The following SUGT1 variants were observed in gnomAD, a reference collection of about 807,000 sequenced individuals.
The protein encoded by SUGT1 is protein SGT1 homolog.
A neutral mutation model predicts 56.1 loss-of-function variants in SUGT1; 15 were observed. The observed-to-expected ratio is 0.27, with a 90% CI of 0.18 to 0.41. The LOEUF is 0.41. Ranked by LOEUF, SUGT1 falls within the 10% of genes least tolerant of loss-of-function variation. The pLI is 1.00. For missense variants in SUGT1, 347 were observed against 382.2 expected, an observed-to-expected ratio of 0.91 and a Z score of 0.77; for synonymous variants, 123 against 128.6, an observed-to-expected ratio of 0.96 and a Z score of 0.30.
chr13:52,660,814 C>CT (rs1345365576), intron 5 of SUGT1, among the ~76,000 whole-genome samples: 8 of 152,096 alleles, frequency 5.3e-5, no homozygotes, highest in Non-Finnish European at 1.0e-4. Context: ...ATTTTTCTTT[C>CT]TTTTTTTAGC....
Position 52,693,237 on chromosome 13 carries a change from A to G in SUGT1, c.*5402A>G, listed in dbSNP as rs1034825106. 1 of 151,642 alleles carries G rather than the reference A, an allele frequency of 6.6e-6. No homozygotes were observed. Among genetic ancestry groups the G allele is most frequent in the Non-Finnish European group, 1.5e-5 (1 of 67,908 alleles). 9.4% of individuals were successfully genotyped at this position (151,642 alleles called of 1,614,324 possible). ...GACTTCTACCTATATCATTGACTTT[A>G]TTTTTTCCTATGATTAAAGGATTCA... On this transcript the variant is annotated 3_prime_UTR_variant, in exon 13 of 13. Coordinates refer to ENST00000310528, the MANE Select transcript of SUGT1 (RefSeq NM_006704.5).
chr13:52,668,933 C>T (rs1951669980), intron 10 of SUGT1, among the ~76,000 whole-genome samples: 1 of 152,010 alleles, frequency 6.6e-6, no homozygotes, highest in African/African-American at 2.4e-5. Context: ...TACTGAGCCA[C>T]CTCCTATAGT....
rs1399442074 is a variant in SUGT1 at position 52,693,590 on chromosome 13, TCA to T, written c.*5756_*5757del. On this transcript the variant is annotated 3_prime_UTR_variant, in exon 13 of 13. Coordinates refer to ENST00000310528, the MANE Select transcript of SUGT1 (RefSeq NM_006704.5). ...TATAGGTGCTTAATGTCTCTGTGCC[TCA>T]GTTTTTGTGTCTATGTAAAGGAGAT... is the stretch of plus-strand genomic sequence containing the variant. 1.3e-5 allele frequency: 2 copies of T among 152,198 alleles called. No individual in the cohort carries two copies. The highest frequency in any genetic ancestry group is 2.9e-5 in the Non-Finnish European group (2 of 68,026). The allele number at this position is 152,198 out of a possible 1,614,324, so 9.4% of individuals were successfully genotyped here. A position where few individuals can be genotyped will look rare whatever the true frequency, so the allele number is the denominator to read the frequency against.
At chr13:52,672,320 C>CT (rs996653208) in intron 10 of SUGT1, among the ~76,000 whole-genome samples, 1 of 152,070 alleles carries the variant, frequency 6.6e-6, no homozygotes, top group Non-Finnish European at 1.5e-5. Flanking sequence ...TGATTAATTA[C>CT]TTTAAGAAGA....
chr13:52,662,837 C>A (rs1962527145), intron 6 of SUGT1, 135 bp downstream of exon 6: 8 of 917,276 alleles, frequency 8.7e-6, no homozygotes, highest in Non-Finnish European at 1.6e-6. Context: ...TGTGGACTTC[C>A]AAAGATACAC....
At chr13:52,658,291 G>T in intron 3 of SUGT1, 108 bp from the exon 4 acceptor site, 2 of 1,554,104 alleles carry the variant, frequency 1.3e-6, no homozygotes, top group Non-Finnish European at 1.7e-6. Flanking sequence ...AAACCATTTG[G>T]CATTTCTACC....
chr13:52,687,531 G>A (rs889520343), intron 12 of SUGT1: 5 of 307,734 alleles, frequency 1.6e-5, no homozygotes, highest in Middle Eastern at 1.8e-3. Context: ...GAATGCCTAA[G>A]TTTAAATAAA....
chr13:52,665,253 GT>G (rs1440874545), intron 8 of SUGT1, among the ~76,000 whole-genome samples: 3 of 152,088 alleles, frequency 2.0e-5, no homozygotes, highest in African/African-American at 4.8e-5. Context: ...GGATTTAAGT[GT>G]TTATCTGTAG....
At chr13:52,687,350 G>A (rs1963637503) in intron 12 of SUGT1, 1 of 151,650 alleles carries the variant, frequency 6.6e-6, no homozygotes, top group Non-Finnish European at 1.5e-5. Context: ...GGTCTTTACG[G>A]TCTTCAGCAA....
intron 12 of SUGT1, among the ~76,000 whole-genome samples, chr13:52,684,394 T>G (rs983626969): frequency 1.5e-5 from 2 of 129,850 alleles, no homozygotes; most frequent in African/African-American, 5.7e-5. Context: ...AATTAGCTCT[T>G]TGTTTCGTTT....
chr13:52,665,260 T>C (rs1337751028), intron 8 of SUGT1, among the ~76,000 whole-genome samples: 1 of 152,198 alleles, frequency 6.6e-6, no homozygotes, highest in Non-Finnish European at 1.5e-5. Context: ...AGTGTTTATC[T>C]GTAGTATTTG....
At chr13:52,673,948 T>C (rs1963041328) in intron 10 of SUGT1, among the ~76,000 whole-genome samples, 1 of 151,798 alleles carries the variant, frequency 6.6e-6, no homozygotes, top group Non-Finnish European at 1.5e-5. Context: ...TATTACTTTA[T>C]AAAAAATTAA....
rs993352665 is a variant in SUGT1, at chr13:52,696,348, T to C, written c.*8513T>C. 1.3e-5 allele frequency: 2 copies of C among 152,192 alleles called. No homozygotes were observed. Among genetic ancestry groups the C allele is most frequent in the African/African-American group, 4.8e-5 (2 of 41,444 alleles). The allele number at this position is 152,192 out of a possible 1,614,324, so 9.4% of individuals were successfully genotyped here. A position where few individuals can be genotyped will look rare whatever the true frequency, so the allele number is the denominator to read the frequency against. ...AAATGCATTGCCACTCTAGTTGTGA[T>C]GTGGGAGTGCCTTGTTTATGCCTCT... On this transcript the variant is annotated 3_prime_UTR_variant, in exon 13 of 13. Transcript: ENST00000310528.
intron 12 of SUGT1, 39 bp downstream of exon 12, chr13:52,680,194 A>G: frequency 6.6e-7 from 1 of 1,515,098 alleles, no homozygotes. Context: ...ATGGGAGCAA[A>G]TTTTACATAT....
At position 52,683,711 on chromosome 13, in the gene SUGT1, C is replaced by T. The variant is rs548855969; in HGVS notation, c.900+3556C>T. 5.9e-5 allele frequency among the ~76,000 whole-genome samples: 9 copies of T among 152,114 alleles called. No homozygotes were observed. In the East Asian group the frequency reaches 1.4e-3, roughly 23 times the overall value. On this transcript the variant is annotated intron_variant, in intron 12 of 12. Coordinates refer to ENST00000310528, the MANE Select transcript of SUGT1 (RefSeq NM_006704.5). ...GAACTCACCAGTGAAACGGTCTGGG[C>T]CTGGAGATTTCTTTATTAGGAGATT...
intron 9 of SUGT1, among the ~76,000 whole-genome samples, chr13:52,666,205 C>T (rs553227464): frequency 2.6e-5 from 4 of 152,304 alleles, no homozygotes; most frequent in Non-Finnish European, 5.9e-5. Context: ...CCTGCCTCAG[C>T]CTCCTGAGTA....
chr13:52,681,864 A>G (rs1963389708), intron 12 of SUGT1, among the ~76,000 whole-genome samples: 1 of 150,770 alleles, frequency 6.6e-6, no homozygotes, highest in Non-Finnish European at 1.5e-5. Context: ...AGAGAGAGAG[A>G]TAGAACATTT....
rs763948181 is a variant in SUGT1, at chr13:52,658,383, G to C, written c.188-16G>C. Reference sequence around the variant, plus strand: ...TCTATAAATAACTGACTAAAAACCCGTCTTTTTCTACACAGTTGCTGTTGC... The same window carrying C: ...TCTATAAATAACTGACTAAAAACCCCTCTTTTTCTACACAGTTGCTGTTGC... On this transcript the variant is annotated splice_polypyrimidine_tract_variant and intron_variant, in intron 3 of 12. Transcript: ENST00000310528. 6.2e-7 allele frequency: 1 copy of C among 1,609,908 alleles called. No homozygotes were observed. The highest frequency in any genetic ancestry group is 1.3e-5 in the African/African-American group (1 of 74,622).
intron 5 of SUGT1, among the ~76,000 whole-genome samples, chr13:52,659,814 A>ATATATATATATATAGATTTTTTTT (rs1555271105): frequency 1.7e-5 from 1 of 58,726 alleles, no homozygotes; most frequent in African/African-American, 7.4e-5. Flanking sequence ...ATATATATAT[A>ATATATATATATATAGATTTTTTTT]TTTTTTTTTT....
Sources: gnomAD v4.1 joint callset for allele counts (sites outside exome capture counted in the v4.1 genomes callset) on GRCh38, gnomAD v4.1.1 for gene constraint, MANE v1.5 for transcripts, NCBI Gene and HGNC (gene_info 2026-07-23, HGNC 2026-07-21) for gene names.